Variants in HTR2C observed in about 807,000 individuals in gnomAD.
The protein encoded by HTR2C is 5-hydroxytryptamine (serotonin) receptor 2C, G protein-coupled.
In HTR2C, 5 loss-of-function variants were observed where a neutral mutation model predicts 21.0. The observed-to-expected ratio is 0.24, with a 90% CI of 0.12 to 0.50. The LOEUF is 0.50. HTR2C is among the 20% of genes least tolerant of loss of function. The pLI is 0.98. For missense variants in HTR2C, 271 were observed against 371.2 expected, an observed-to-expected ratio of 0.73 and a Z score of 2.22; for synonymous variants, 150 against 145.3, an observed-to-expected ratio of 1.03 and a Z score of -0.23.
At chrX:114,831,651 T>C (rs868959168) in intron 4 of HTR2C, among the ~76,000 whole-genome samples, 2,430 of 107,739 alleles carry the variant, frequency 0.023, 104 homozygotes, top group African/African-American at 0.08. Context: ...TGCAGGTTGC[T>C]TGTTCACTCT....
chrX:114,748,891 C>T (rs1158573712), intron 4 of HTR2C, among the ~76,000 whole-genome samples: 3 of 111,252 alleles, frequency 2.7e-5, no homozygotes, highest in African/African-American at 9.8e-5. Flanking sequence ...TGGACTTCAT[C>T]AAAATTAAAA....
intron 4 of HTR2C, among the ~76,000 whole-genome samples, chrX:114,798,999 T>C (rs2070321649): frequency 9.2e-6 from 1 of 108,696 alleles, no homozygotes; most frequent in Admixed American, 1.0e-4. Flanking sequence ...CAGGTACGAG[T>C]GACACAGAAC....
intron 4 of HTR2C, chrX:114,763,186 G>A (rs79553157): frequency 7.2e-5 from 9 of 125,188 alleles, no homozygotes; most frequent in African/African-American, 1.3e-4. Flanking sequence ...TCATTTGCTC[G>A]GCATCTGCTG....
Position 114,908,453 on chromosome X carries a change from A to C in HTR2C, c.*1038A>C, listed in dbSNP as rs1244058375. On this transcript the variant is annotated 3_prime_UTR_variant, in exon 6 of 6. Coordinates refer to ENST00000276198, the MANE Select transcript of HTR2C (RefSeq NM_000868.4). Reference sequence around the variant, plus strand: ...AAGTATAGATGGTAGAAACTTTGGAAGTTTTACTTGATTAAGGACTACAGA... The same window carrying C: ...AAGTATAGATGGTAGAAACTTTGGACGTTTTACTTGATTAAGGACTACAGA... 10 of 112,019 alleles carry C rather than the reference A, an allele frequency of 8.9e-5. No homozygotes were observed. Among genetic ancestry groups the C allele is most frequent in the African/African-American group, 2.9e-4 (9 of 30,754 alleles). 9.2% of individuals were successfully genotyped at this position (112,019 alleles called of 1,213,427 possible).
intron 2 of HTR2C, among the ~76,000 whole-genome samples, chrX:114,709,018 A>G (rs782411742): frequency 1.8e-5 from 2 of 111,936 alleles, no homozygotes; most frequent in East Asian, 5.7e-4. Context: ...TATCTTGTGA[A>G]TCACTTAGGT....
chrX:114,813,734 C>G (rs944406583), intron 4 of HTR2C, among the ~76,000 whole-genome samples: 5 of 110,990 alleles, frequency 4.5e-5, no homozygotes, highest in African/African-American at 1.3e-4. Context: ...ACTAGGTCTT[C>G]TCTCATTGGT....
At chrX:114,836,088 G>A (rs1275731099) in intron 4 of HTR2C, among the ~76,000 whole-genome samples, 2 of 108,901 alleles carry the variant, frequency 1.8e-5, no homozygotes, top group Non-Finnish European at 3.8e-5. Flanking sequence ...TGCGTGCTGT[G>A]AGAACCACTG....
At chrX:114,719,059 A>G (rs1042751697) in intron 2 of HTR2C, among the ~76,000 whole-genome samples, 125 of 104,205 alleles carry the variant, frequency 1.2e-3, no homozygotes, top group African/African-American at 4.0e-3. Flanking sequence ...ATATAATTAT[A>G]ATTATAAATT....
intron 1 of HTR2C, among the ~76,000 whole-genome samples, chrX:114,601,804 T>A (rs1377940393): frequency 2.9e-5 from 3 of 102,072 alleles, no homozygotes; most frequent in Non-Finnish European, 4.0e-5. Flanking sequence ...GGGGGGGTGG[T>A]ATGGAGAGAG....
intron 4 of HTR2C, among the ~76,000 whole-genome samples, chrX:114,741,524 TAAAAAAA>T (rs782206973): frequency 0.013 from 64 of 4,901 alleles, 3 homozygotes; most frequent in Non-Finnish European, 0.029. Context: ...CGACTCCGTC[TAAAAAAA>T]AAAAAAAAAA....
intron 4 of HTR2C, among the ~76,000 whole-genome samples, chrX:114,812,455 C>A (rs372582859): frequency 2.7e-5 from 3 of 111,012 alleles, no homozygotes; most frequent in African/African-American, 9.9e-5. Flanking sequence ...TTGGGCCGGG[C>A]TCGGTGGCTT....
intron 5 of HTR2C, among the ~76,000 whole-genome samples, chrX:114,849,365 G>A (rs2064343252): frequency 1.8e-5 from 2 of 111,797 alleles, no homozygotes; most frequent in South Asian, 7.3e-4. Context: ...TGTGCTAAAG[G>A]CAAATAAACA....
intron 1 of HTR2C, chrX:114,589,594 T>A (rs1240176053): frequency 2.6e-5 from 4 of 156,724 alleles, no homozygotes; most frequent in African/African-American, 9.4e-5. Context: ...TTTATCTCTT[T>A]CCGTACCGAT....
rs2070185356 is a variant in HTR2C, at chrX:114,787,285, A to G, written c.349+55678A>G. Among the ~76,000 whole-genome samples the G allele has an allele frequency of 2.7e-5, 3 of 112,213 alleles. No individual in the cohort carries two copies. In the South Asian group the frequency reaches 1.1e-3, roughly 42 times the overall value. On this transcript the variant is annotated intron_variant, in intron 4 of 5. Coordinates refer to ENST00000276198, the MANE Select transcript of HTR2C (RefSeq NM_000868.4). ...ACAGAAGCCAATTGTTGTAGTACAC[A>G]TTGCATCAGTTTGCATGCAATAACA...
At chrX:114,680,321 T>C (rs1315250648) in intron 2 of HTR2C, among the ~76,000 whole-genome samples, 2 of 112,095 alleles carry the variant, frequency 1.8e-5, no homozygotes, top group African/African-American at 6.5e-5. Context: ...ACTTCTAGGG[T>C]GTTTTTCCGG....
rs192617890 is a variant in HTR2C, at chrX:114,741,584, A to C, written c.349+9977A>C. The stretch of plus-strand genomic sequence containing the variant: ...GGAACACCTTTTCAGCTGAAAAGTA[A>C]GGAAGTGAACATAGAATAATGGAAA... On this transcript the variant is annotated intron_variant, in intron 4 of 5. Coordinates refer to ENST00000276198, the MANE Select transcript of HTR2C (RefSeq NM_000868.4). 1.6e-3 allele frequency among the ~76,000 whole-genome samples: 123 copies of C among 76,450 alleles called. 1 individual carries two copies. The highest frequency in any genetic ancestry group is 5.0e-3 in the African/African-American group (115 of 22,942). The allele number at this position is 76,450 out of a possible 115,157, so 66.4% of individuals were successfully genotyped here.
intron 2 of HTR2C, among the ~76,000 whole-genome samples, chrX:114,698,147 G>T (rs1351434499): frequency 2.7e-5 from 3 of 112,074 alleles, no homozygotes; most frequent in Non-Finnish European, 5.6e-5. Context: ...GCATGTAGAA[G>T]CTTTTTCATG....
In HTR2C at chrX:114,807,364, T is replaced by TGTATCTATACCATATATATACGCC. The variant is rs2070481075; in HGVS notation, c.350-40639_350-40638insGTATCTATACCATATATATACGCC. 3.4e-4 allele frequency among the ~76,000 whole-genome samples: 10 copies of TGTATCTATACCATATATATACGCC among 29,769 alleles called. 3 individuals are homozygous for TGTATCTATACCATATATATACGCC. Among genetic ancestry groups the TGTATCTATACCATATATATACGCC allele is most frequent in the African/African-American group, 1.1e-3 (10 of 9,450 alleles). The allele number at this position is 29,769 out of a possible 115,157, so 25.9% of individuals were successfully genotyped here. ...GTATCTATACCATATATATACACCA[T>TGTATCTATACCATATATATACGCC]ATATCTATACCATATATATACGCCA... On this transcript the variant is annotated intron_variant, in intron 4 of 5. Coordinates refer to ENST00000276198, the MANE Select transcript of HTR2C (RefSeq NM_000868.4).
intron 4 of HTR2C, among the ~76,000 whole-genome samples, chrX:114,805,868 T>TATATACCATATATATACC (rs1569495633): frequency 4.5e-5 from 4 of 89,262 alleles, no homozygotes; most frequent in African/African-American, 8.2e-5. Flanking sequence ...ATATATACCA[T>TATATACCATATATATACC]ATATATACAC....
Sources: allele counts gnomAD v4.1 joint callset (sites outside exome capture counted in the v4.1 genomes callset), GRCh38; gene constraint gnomAD v4.1.1; transcripts MANE v1.5; gene names NCBI Gene and HGNC (gene_info 2026-07-23, HGNC 2026-07-21).